The following ABL1 variants were observed in gnomAD, a reference collection of about 807,000 sequenced individuals.
ABL1 encodes the protein ABL proto-oncogene 1, non-receptor tyrosine kinase, also known as tyrosine-protein kinase ABL1.
In ABL1, 11 loss-of-function variants were observed where a neutral mutation model predicts 94.7. The ratio of observed to expected loss-of-function variants is 0.12; its 90% CI spans 0.07 to 0.19. The LOEUF (loss-of-function observed/expected upper bound fraction) is 0.19, where lower values mean the gene tolerates loss of function less well. ABL1 is among the 10% of genes least tolerant of loss of function. The probability of loss-of-function intolerance (pLI) is 1.00; values close to 1 mark genes in which losing one functional copy is unlikely to be tolerated. For synonymous variants in ABL1, 656 were observed against 622.4 expected, an observed-to-expected ratio of 1.05 and a Z score of -0.80; for missense variants, 1,082 against 1,489.4, an observed-to-expected ratio of 0.73 and a Z score of 4.50.
At chr9:130,741,375 A>G (rs1041101245) in intron 1 of ABL1, among the ~76,000 whole-genome samples, 2 of 152,062 alleles carry the variant, frequency 1.3e-5, no homozygotes, top group African/African-American at 4.8e-5. Context: ...ACCAGCTACC[A>G]TGCCGGAGTA....
intron 1 of ABL1, among the ~76,000 whole-genome samples, chr9:130,729,981 G>A (rs1831640815): frequency 6.7e-6 from 1 of 148,670 alleles, no homozygotes; most frequent in South Asian, 2.1e-4. Flanking sequence ...GACCTCAAGT[G>A]ATCCACCTGC....
chr9:130,876,278 G>A (rs960558562), intron 7 of ABL1, among the ~76,000 whole-genome samples: 1 of 152,122 alleles, frequency 6.6e-6, no homozygotes, highest in Non-Finnish European at 1.5e-5. Flanking sequence ...AGTTACTAGT[G>A]GAAACTTGTA....
At chr9:130,722,237 A>T (rs1308901079) in intron 1 of ABL1, among the ~76,000 whole-genome samples, 1 of 152,108 alleles carries the variant, frequency 6.6e-6, no homozygotes, top group Non-Finnish European at 1.5e-5. Context: ...TACTAAAAAT[A>T]CAAAAATTAG....
intron 1 of ABL1, among the ~76,000 whole-genome samples, chr9:130,742,755 CAAAT>C (rs1831835628): frequency 6.6e-6 from 1 of 152,060 alleles, no homozygotes; most frequent in South Asian, 2.1e-4. Flanking sequence ...TGTGAGCAAA[CAAAT>C]ATGTGTGTAT....
intron 1 of ABL1, among the ~76,000 whole-genome samples, chr9:130,742,200 G>A (rs1287837901): frequency 6.6e-6 from 1 of 152,104 alleles, no homozygotes; most frequent in Non-Finnish European, 1.5e-5. Flanking sequence ...TTTGCCACTT[G>A]TGTGCCCTAA....
chr9:130,781,074 A>C (rs1829748877), intron 1 of ABL1, among the ~76,000 whole-genome samples: 1 of 152,188 alleles, frequency 6.6e-6, no homozygotes, highest in East Asian at 1.9e-4. Flanking sequence ...AGACGCAGTG[A>C]GTCAACGCAG....
intron 1 of ABL1, among the ~76,000 whole-genome samples, chr9:130,826,599 G>A (rs1453459289): frequency 6.6e-6 from 1 of 152,154 alleles, no homozygotes; most frequent in Non-Finnish European, 1.5e-5. Context: ...GTAAGAATCT[G>A]CGGAAAGGTC....
intron 1 of ABL1, among the ~76,000 whole-genome samples, chr9:130,799,081 T>G (rs1164768092): frequency 1.3e-5 from 2 of 152,152 alleles, no homozygotes; most frequent in African/African-American, 4.8e-5. Flanking sequence ...GAAGAGCACT[T>G]TGCTTTATCC....
intron 1 of ABL1, among the ~76,000 whole-genome samples, chr9:130,791,303 A>G (rs1165562325): frequency 6.6e-6 from 1 of 152,244 alleles, no homozygotes; most frequent in Non-Finnish European, 1.5e-5. Flanking sequence ...GCCATGAAAC[A>G]GCCTTTAAAT....
In ABL1 at chr9:130,884,171, G is replaced by C. The variant is rs144260734; in HGVS notation, c.1881G>C (p.Gln627His). 1.2e-6 allele frequency: 2 copies of C among 1,613,120 alleles called. No individual in the cohort carries two copies. The highest frequency in any genetic ancestry group is 1.7e-6 in the Non-Finnish European group (2 of 1,179,924). The change falls in exon 11 of 11, where the codon CAG (glutamine) becomes CAC (histidine). Residue 627 changes from glutamine to histidine, a missense_variant. Gln to His is a conservative substitution (Grantham distance 24). Coordinates refer to ENST00000318560, the MANE Select transcript of ABL1 (RefSeq NM_005157.6). The surrounding 1 kb of genome is among the most constrained non-coding windows in gnomAD (Gnocchi z 5.6). The part of the protein sequence containing the change: ...RSSSFREMDG[Q>H]PERRGAGEEE... ...GCTCCTTCCGGGAGATGGACGGCCA[G>C]CCGGAGCGCAGAGGGGCCGGCGAGG...
At chr9:130,759,546 C>CA (rs1303191109) in intron 1 of ABL1, among the ~76,000 whole-genome samples, 1 of 151,956 alleles carries the variant, frequency 6.6e-6, no homozygotes, top group African/African-American at 2.4e-5. Flanking sequence ...AAGTCATTAG[C>CA]AAAAAAATGT....
At position 130,880,271 on chromosome 9, in the gene ABL1, G is replaced by A. The variant is rs1175397843; in HGVS notation, c.1513+114G>A. ...GAAAGTTCACAGACCAGCCTGTCCTGAGACCAGAAAGCTGGGCAGAGGTGT... is the reference window on the plus strand; with the variant it reads ...GAAAGTTCACAGACCAGCCTGTCCTAAGACCAGAAAGCTGGGCAGAGGTGT... On this transcript the variant is annotated intron_variant, in intron 9 of 10. Transcript: ENST00000318560. This position sits in a 1 kb window ranked among gnomAD's most constrained non-coding sequence, Gnocchi z 4.4. 1.6e-6 allele frequency: 2 copies of A among 1,249,804 alleles called. No individual in the cohort carries two copies. Among genetic ancestry groups the A allele is most frequent in the Non-Finnish European group, 1.2e-6 (1 of 859,210 alleles). The allele number at this position is 1,249,804 out of a possible 1,614,324, so 77.4% of individuals were successfully genotyped here.
chr9:130,856,875 G>T (rs191412135), intron 3 of ABL1, among the ~76,000 whole-genome samples: 93 of 152,286 alleles, frequency 6.1e-4, no homozygotes, highest in African/African-American at 2.2e-3. Context: ...GTAGTCCCCT[G>T]CTGGTTGACT....
intron 1 of ABL1, among the ~76,000 whole-genome samples, chr9:130,788,952 T>A (rs1355822735): frequency 6.6e-6 from 1 of 152,258 alleles, no homozygotes; most frequent in East Asian, 1.9e-4. Flanking sequence ...GGATAGTTGC[T>A]AGTTTTCCTC....
intron 1 of ABL1, among the ~76,000 whole-genome samples, chr9:130,724,349 C>T (rs1831551961): frequency 6.6e-6 from 1 of 152,172 alleles, no homozygotes; most frequent in African/African-American, 2.4e-5. Flanking sequence ...TTTTTATTCA[C>T]TTACAAGGAA....
At chr9:130,725,506 A>G (rs1430378440) in intron 1 of ABL1, among the ~76,000 whole-genome samples, 2 of 151,856 alleles carry the variant, frequency 1.3e-5, no homozygotes, top group Non-Finnish European at 2.9e-5. Context: ...TCACCCTCCC[A>G]AGTAGCTGGG....
At chr9:130,759,995 C>T (rs1247912318) in intron 1 of ABL1, among the ~76,000 whole-genome samples, 5 of 100,804 alleles carry the variant, frequency 5.0e-5, no homozygotes, top group South Asian at 3.1e-4. Flanking sequence ...TTTTTGGAGA[C>T]GGGGTCCCAC....
chr9:130,869,347 G>T (rs1165324861), intron 4 of ABL1, among the ~76,000 whole-genome samples: 2 of 152,244 alleles, frequency 1.3e-5, no homozygotes, highest in Non-Finnish European at 2.9e-5. Context: ...CGCTGAGTGA[G>T]TGCTGGCCTC....
Position 130,862,765 on chromosome 9 carries a change from C to T in ABL1, c.552C>T (p.Leu184=). 2 of 1,613,350 alleles carry T rather than the reference C, an allele frequency of 1.2e-6. No homozygotes were observed. Among genetic ancestry groups the T allele is most frequent in the Non-Finnish European group, 1.7e-6 (2 of 1,179,766 alleles). ...YRINTASDGK[L]YVSSESRFNT... ...AGGCTGTTCCCTGTTTCCTTCAGCT[C>T]TACGTCTCCTCCGAGAGCCGCTTCA... is the stretch of plus-strand genomic sequence containing the variant. The change falls in exon 4 of 11, where the codon CTC becomes CTT. Residue 184 remains leucine, a splice_region_variant and synonymous_variant. Transcript: ENST00000318560. The surrounding 1 kb of genome is among the most constrained non-coding windows in gnomAD (Gnocchi z 5.5).
Sources: allele counts gnomAD v4.1 joint callset (sites outside exome capture counted in the v4.1 genomes callset), GRCh38; gene constraint gnomAD v4.1.1; non-coding constraint Gnocchi (gnomAD v3.1); transcripts MANE v1.5; gene names NCBI Gene and HGNC (gene_info 2026-07-23, HGNC 2026-07-21).